TESK2: variants seen among roughly 807,000 people sequenced by gnomAD.
TESK2 encodes the protein testis associated actin remodelling kinase 2, also known as dual specificity testis-specific protein kinase 2.
TESK2 carries 39 observed loss-of-function variants against 57.1 expected under a neutral mutation model. That is an observed-to-expected ratio of 0.68 (90% CI 0.53 to 0.89). TESK2 has a LOEUF of 0.89. Among genes scored for constraint, TESK2 ranks in the 40% least tolerant of loss-of-function variants. The pLI, the probability that TESK2 is intolerant of heterozygous loss-of-function variation, is 0.00. For missense variants in TESK2, 646 were observed against 732.1 expected (o/e 0.88, Z 1.36); for synonymous variants, 249 against 267.9 (o/e 0.93, Z 0.69).
intron 3 of TESK2, among the ~76,000 whole-genome samples, chr1:45,406,568 T>C (rs905553375): frequency 8.6e-5 from 13 of 151,920 alleles, no homozygotes; most frequent in Non-Finnish European, 1.9e-4. Flanking sequence ...GGCAGGAGGA[T>C]CGTTTGAGCC....
chr1:45,457,628 A>T lies in TESK2; in HGVS notation c.158T>A (p.Leu53Gln), dbSNP rs1262408127. The T allele has an allele frequency of 1.2e-6, 2 of 1,614,116 alleles. No individual in the cohort carries two copies. The highest frequency in any genetic ancestry group is 3.3e-5 in the Admixed American group (2 of 59,998). Residue 53 changes from leucine to glutamine, a missense_variant, in exon 2 of 11, where the codon CTG becomes CAG. Physicochemically the swap from Leu to Gln is moderately radical, Grantham distance 113. Transcript: ENST00000372086. ...YRALISAFSR[L>Q]TRLDDFTCEK... Reference sequence around the variant, plus strand: ...ACAGGTGAAATCATCCAAACGCGTCAGTCTGGAAAAGGCACTTATAAGAGC... The same window carrying T: ...ACAGGTGAAATCATCCAAACGCGTCTGTCTGGAAAAGGCACTTATAAGAGC...
intron 1 of TESK2, among the ~76,000 whole-genome samples, chr1:45,463,193 C>G (rs1365537684): frequency 6.6e-6 from 1 of 152,106 alleles, no homozygotes; most frequent in Non-Finnish European, 1.5e-5. Context: ...TGTCTCTTCA[C>G]TTTGTTGACT....
intron 4 of TESK2, among the ~76,000 whole-genome samples, chr1:45,359,424 G>A (rs1291948772): frequency 6.6e-6 from 1 of 152,030 alleles, no homozygotes; most frequent in Non-Finnish European, 1.5e-5. Context: ...GCCGGGCATG[G>A]TGGTGGGTGC....
intron 4 of TESK2, among the ~76,000 whole-genome samples, chr1:45,361,660 T>C (rs1313488021): frequency 6.6e-6 from 1 of 152,246 alleles, no homozygotes; most frequent in Non-Finnish European, 1.5e-5. Flanking sequence ...AATTCAACTA[T>C]ATTATGTAAA....
At chr1:45,459,947 G>T (rs1387843195) in intron 1 of TESK2, among the ~76,000 whole-genome samples, 3 of 152,182 alleles carry the variant, frequency 2.0e-5, no homozygotes, top group African/African-American at 7.2e-5. Flanking sequence ...TATTCTAAGT[G>T]AACTAACACA....
chr1:45,386,881 T>C (rs1379774488), intron 3 of TESK2, among the ~76,000 whole-genome samples: 3 of 152,146 alleles, frequency 2.0e-5, no homozygotes, highest in Non-Finnish European at 4.4e-5. Context: ...CTCAATCTCT[T>C]GACCTTGTGA....
At chr1:45,391,216 CTTT>C (rs1191605172) in intron 3 of TESK2, among the ~76,000 whole-genome samples, 3 of 118,752 alleles carry the variant, frequency 2.5e-5, no homozygotes, top group Admixed American at 9.3e-5. Flanking sequence ...GCGCCCAGCC[CTTT>C]TTTTTTTTTT....
At chr1:45,372,267 T>TAA (rs113568988) in intron 4 of TESK2, among the ~76,000 whole-genome samples, 1 of 137,930 alleles carries the variant, frequency 7.3e-6, no homozygotes, top group African/African-American at 2.6e-5. Context: ...AAATAACAAT[T>TAA]AAAAAAAAAA....
chr1:45,365,618 A>G (rs1260658376), intron 4 of TESK2, among the ~76,000 whole-genome samples: 1 of 149,456 alleles, frequency 6.7e-6, no homozygotes, highest in African/African-American at 2.5e-5. Flanking sequence ...CGTTCAAGTG[A>G]TTCTCCTGCC....
intron 2 of TESK2, among the ~76,000 whole-genome samples, chr1:45,440,312 G>A (rs1208890330): frequency 3.3e-5 from 5 of 152,040 alleles, no homozygotes; most frequent in Admixed American, 2.6e-4. Context: ...CATACAGAAC[G>A]GACAAAGGAG....
At chr1:45,433,945 GGTTT>G (rs549127754) in intron 2 of TESK2, among the ~76,000 whole-genome samples, 274 of 152,020 alleles carry the variant, frequency 1.8e-3, no homozygotes, top group Non-Finnish European at 3.3e-3. Context: ...CATCAGATCT[GGTTT>G]GTTTTTTGTT....
chr1:45,402,767 C>T (rs945497849), intron 3 of TESK2, among the ~76,000 whole-genome samples: 1 of 152,042 alleles, frequency 6.6e-6, no homozygotes, highest in Non-Finnish European at 1.5e-5. Flanking sequence ...CAGGCATGAG[C>T]CAATGCATCC....
chr1:45,395,704 T>C (rs955126287), intron 3 of TESK2, among the ~76,000 whole-genome samples: 4 of 151,672 alleles, frequency 2.6e-5, no homozygotes, highest in Non-Finnish European at 5.9e-5. Flanking sequence ...ACTCCTGGGC[T>C]CAAACAATCT....
intron 2 of TESK2, among the ~76,000 whole-genome samples, chr1:45,434,528 T>C: frequency 6.6e-6 from 1 of 151,750 alleles, no homozygotes. Context: ...TGAGATAAGA[T>C]AATACCTCAT....
chr1:45,438,912 AATC>A (rs1175601876), intron 2 of TESK2, among the ~76,000 whole-genome samples: 2 of 152,312 alleles, frequency 1.3e-5, no homozygotes, highest in East Asian at 3.9e-4. Context: ...CTACAACAAT[AATC>A]AACATTTAAA....
chr1:45,489,136 A>G (rs113540356), intron 1 of TESK2, among the ~76,000 whole-genome samples: 68 of 50,100 alleles, frequency 1.4e-3, no homozygotes, highest in African/African-American at 3.4e-3. Flanking sequence ...GACACCAAAG[A>G]AAAAAAAAAA....
Position 45,485,523 on chromosome 1 carries a change from A to T in TESK2, c.-87+5329T>A, listed in dbSNP as rs1317011197. Among the ~76,000 whole-genome samples, 101 of 136,440 alleles carry T rather than the reference A, an allele frequency of 7.4e-4. 2 individuals are homozygous for T. Among genetic ancestry groups the T allele is most frequent in the African/African-American group, 2.3e-3 (84 of 37,084 alleles). The allele number at this position is 136,440 out of a possible 152,430, so 89.5% of individuals were successfully genotyped here. On this transcript the variant is annotated intron_variant, in intron 1 of 10. Coordinates refer to ENST00000372086, the MANE Select transcript of TESK2 (RefSeq NM_007170.3). ...GTTATATAAATTTATTTTTTATTTT[A>T]TTTTTTTTTTTTTGAGACGGAGTCT...
intron 1 of TESK2, among the ~76,000 whole-genome samples, chr1:45,466,843 T>TA (rs923974060): frequency 2.0e-5 from 3 of 151,654 alleles, no homozygotes; most frequent in African/African-American, 7.3e-5. Context: ...AAAATGAAAA[T>TA]AAAAACAGTG....
intron 2 of TESK2, among the ~76,000 whole-genome samples, chr1:45,452,112 ACT>A (rs1165148035): frequency 3.3e-5 from 5 of 151,712 alleles, no homozygotes; most frequent in African/African-American, 4.8e-5. Flanking sequence ...GGAGGGGCAA[ACT>A]CTTTTGAAAA....
Sources: allele counts gnomAD v4.1 joint callset (sites outside exome capture counted in the v4.1 genomes callset), GRCh38; gene constraint gnomAD v4.1.1; transcripts MANE v1.5; gene names NCBI Gene and HGNC (gene_info 2026-07-23, HGNC 2026-07-21).